Variants in CACNB2 observed in about 807,000 individuals in gnomAD.
CACNB2 encodes calcium voltage-gated channel auxiliary subunit beta 2.
A neutral mutation model predicts 73.3 loss-of-function variants in CACNB2; 42 were observed. The ratio of observed to expected loss-of-function variants is 0.57; its 90% confidence interval spans 0.45 to 0.74. The LOEUF (loss-of-function observed/expected upper bound fraction) is 0.74, where lower values mean the gene tolerates loss of function less well. Among genes scored for constraint, CACNB2 ranks in the 30% least tolerant of loss-of-function variants. The probability of loss-of-function intolerance (pLI) is 0.00; values close to 1 mark genes in which losing one functional copy is unlikely to be tolerated. For synonymous variants in CACNB2, 348 were observed against 310.3 expected (o/e 1.12, Z -1.28); for missense variants, 940 against 853.0 (o/e 1.10, Z -1.27).
At chr10:18,465,096 G>C (rs909217003) in intron 3 of CACNB2, among the ~76,000 whole-genome samples, 6 of 152,190 alleles carry the variant, frequency 3.9e-5, no homozygotes, top group African/African-American at 1.4e-4. Flanking sequence ...TTGGGAGGCC[G>C]AGGCAGGCAG....
chr10:18,469,877 A>T (rs1049565531), intron 3 of CACNB2, among the ~76,000 whole-genome samples: 2 of 152,158 alleles, frequency 1.3e-5, no homozygotes, highest in Admixed American at 1.3e-4. Flanking sequence ...AACCACATTT[A>T]TACATGTTTA....
intron 2 of CACNB2, among the ~76,000 whole-genome samples, chr10:18,263,289 G>A (rs2037641259): frequency 6.6e-6 from 1 of 152,168 alleles, no homozygotes; most frequent in Admixed American, 6.5e-5. Context: ...CCGCAAAGCA[G>A]ATGAGTCTAG....
intron 2 of CACNB2, among the ~76,000 whole-genome samples, chr10:18,194,276 C>T (rs530582400): frequency 3.2e-4 from 49 of 152,244 alleles, no homozygotes; most frequent in East Asian, 7.7e-4. Flanking sequence ...TAATGAATGA[C>T]GGTGAAAATT....
At chr10:18,282,517 A>G (rs921786658) in intron 2 of CACNB2, among the ~76,000 whole-genome samples, 4 of 152,328 alleles carry the variant, frequency 2.6e-5, no homozygotes, top group African/African-American at 2.4e-5. Context: ...TCCATTTCCC[A>G]TAAGATGGAA....
chr10:18,190,241 A>G (rs764320823), intron 2 of CACNB2, among the ~76,000 whole-genome samples: 6 of 152,218 alleles, frequency 3.9e-5, no homozygotes, highest in Non-Finnish European at 5.9e-5. Flanking sequence ...AAGGAGATTC[A>G]TCCAGTAATA....
At chr10:18,414,519 C>T (rs1484467812) in intron 3 of CACNB2, among the ~76,000 whole-genome samples, 5 of 132,580 alleles carry the variant, frequency 3.8e-5, no homozygotes, top group African/African-American at 1.2e-4. Flanking sequence ...GACAGAATCT[C>T]TGTCACCCAG....
At chr10:18,313,937 C>A (rs1259954041) in intron 2 of CACNB2, among the ~76,000 whole-genome samples, 3 of 152,222 alleles carry the variant, frequency 2.0e-5, no homozygotes, top group Non-Finnish European at 4.4e-5. Context: ...AATTCCGCTT[C>A]ATTGAAATGT....
At chr10:18,461,207 C>A (rs2047557973) in intron 3 of CACNB2, among the ~76,000 whole-genome samples, 1 of 152,180 alleles carries the variant, frequency 6.6e-6, no homozygotes, top group African/African-American at 2.4e-5. Flanking sequence ...AGCCACTGCG[C>A]CCTGCCTTTC....
chr10:18,149,280 G>T (rs2031294869), intron 1 of CACNB2, among the ~76,000 whole-genome samples: 1 of 151,972 alleles, frequency 6.6e-6, no homozygotes, highest in African/African-American at 2.4e-5. Flanking sequence ...AATTGGAAAA[G>T]AAAAAAAGTG....
chr10:18,371,375 G>C (rs889630030), intron 2 of CACNB2, among the ~76,000 whole-genome samples: 1 of 151,348 alleles, frequency 6.6e-6, no homozygotes, highest in East Asian at 1.9e-4. Flanking sequence ...ACCCCACAAC[G>C]GGCCCCGGTG....
intron 3 of CACNB2, among the ~76,000 whole-genome samples, chr10:18,492,814 A>G (rs1477414394): frequency 6.6e-6 from 1 of 152,106 alleles, no homozygotes; most frequent in Non-Finnish European, 1.5e-5. Flanking sequence ...GTTTGGTTTG[A>G]GGACGTTTAC....
intron 2 of CACNB2, among the ~76,000 whole-genome samples, chr10:18,199,947 G>A (rs1256343080): frequency 6.8e-6 from 1 of 146,804 alleles, no homozygotes; most frequent in East Asian, 2.0e-4. Flanking sequence ...GAAACTGTGT[G>A]TGTGTGTGTG....
At chr10:18,286,890 C>G (rs1255488983) in intron 2 of CACNB2, among the ~76,000 whole-genome samples, 1 of 152,180 alleles carries the variant, frequency 6.6e-6, no homozygotes, top group East Asian at 1.9e-4. Context: ...TGTTCACATT[C>G]AAGTTCATGA....
intron 2 of CACNB2, among the ~76,000 whole-genome samples, chr10:18,237,658 T>C (rs1200184502): frequency 6.6e-6 from 1 of 152,196 alleles, no homozygotes; most frequent in Non-Finnish European, 1.5e-5. Context: ...GATGGTATCA[T>C]TTGAACTTGA....
chr10:18,237,003 A>G (rs2036471263), intron 2 of CACNB2, among the ~76,000 whole-genome samples: 1 of 152,222 alleles, frequency 6.6e-6, no homozygotes, highest in African/African-American at 2.4e-5. Flanking sequence ...AGTGCCAAGC[A>G]AGGCAAGTGC....
intron 2 of CACNB2, among the ~76,000 whole-genome samples, chr10:18,371,381 C>T (rs540284970): frequency 5.3e-5 from 8 of 152,132 alleles, no homozygotes; most frequent in South Asian, 2.1e-4. Context: ...CAACGGGCCC[C>T]GGTGTGTGAT....
chr10:18,181,344 C>T (rs1302843022), intron 2 of CACNB2, among the ~76,000 whole-genome samples: 2 of 151,986 alleles, frequency 1.3e-5, no homozygotes, highest in African/African-American at 4.8e-5. Flanking sequence ...TCTTTCTTCC[C>T]ATTGACTTAA....
intron 9 of CACNB2, among the ~76,000 whole-genome samples, chr10:18,527,232 C>T (rs542542838): frequency 3.3e-5 from 5 of 152,056 alleles, no homozygotes; most frequent in South Asian, 4.2e-4. Flanking sequence ...AAAAATTAGC[C>T]GGGTGTGGTG....
At chr10:18,532,619 G>A (rs2053143611) in intron 10 of CACNB2, among the ~76,000 whole-genome samples, 1 of 145,982 alleles carries the variant, frequency 6.9e-6, no homozygotes, top group African/African-American at 2.5e-5. Context: ...GGAGATTGTG[G>A]TGAGCCGAGA....
Sources: gnomAD v4.1 joint callset for allele counts (sites outside exome capture counted in the v4.1 genomes callset) on GRCh38, gnomAD v4.1.1 for gene constraint, MANE v1.5 for transcripts, NCBI Gene and HGNC (gene_info 2026-07-23, HGNC 2026-07-21) for gene names.